CBL: variants seen among roughly 807,000 people sequenced by gnomAD.
CBL encodes Cbl proto-oncogene, also known as E3 ubiquitin-protein ligase CBL.
A neutral mutation model predicts 96.9 loss-of-function variants in CBL; 45 were observed. That is an observed-to-expected ratio of 0.46 (90% CI 0.37 to 0.60). The LOEUF (loss-of-function observed/expected upper bound fraction) is 0.60, where lower values mean the gene tolerates loss of function less well. Among genes scored for constraint, CBL ranks in the 20% least tolerant of loss-of-function variants. The probability of loss-of-function intolerance (pLI) is 0.00; values close to 1 mark genes in which losing one functional copy is unlikely to be tolerated. For missense variants in CBL, 1,024 were observed against 1,143.5 expected (o/e 0.90, Z 1.51); for synonymous variants, 420 against 426.8 (o/e 0.98, Z 0.20).
At chr11:119,296,437 G>A (rs545666670) in intron 12 of CBL, among the ~76,000 whole-genome samples, 2 of 152,258 alleles carry the variant, frequency 1.3e-5, no homozygotes, top group South Asian at 2.1e-4. Context: ...CAGAATTTAC[G>A]CTAACTGCGG....
chr11:119,210,854 C>A (rs1008468250), intron 1 of CBL, among the ~76,000 whole-genome samples: 1 of 151,942 alleles, frequency 6.6e-6, no homozygotes, highest in African/African-American at 2.4e-5. Context: ...ATACAGTAAT[C>A]CTCCATTATT....
chr11:119,225,855 G>A (rs1428121333), intron 1 of CBL, among the ~76,000 whole-genome samples: 3 of 149,196 alleles, frequency 2.0e-5, no homozygotes. Context: ...AGCCTCCCGA[G>A]TAGCTAGGAT....
intron 2 of CBL, among the ~76,000 whole-genome samples, chr11:119,233,613 G>A (rs1949521020): frequency 6.6e-6 from 1 of 152,090 alleles, no homozygotes; most frequent in Non-Finnish European, 1.5e-5. Context: ...TTACATACTG[G>A]GAGAGAAATA....
intron 2 of CBL, among the ~76,000 whole-genome samples, chr11:119,253,855 A>G (rs1353489074): frequency 1.3e-5 from 2 of 151,132 alleles, no homozygotes; most frequent in Admixed American, 6.6e-5. Context: ...AACAAAAACA[A>G]AAACAAAAAT....
intron 7 of CBL, 114 bp downstream of exon 7, chr11:119,277,958 T>A: frequency 1.1e-6 from 1 of 894,276 alleles, no homozygotes; most frequent in South Asian, 1.4e-5. Context: ...ATTAGTGAAT[T>A]TGTGTGTATG....
chr11:119,283,478 G>A (rs1379445830), intron 9 of CBL, among the ~76,000 whole-genome samples: 5 of 151,866 alleles, frequency 3.3e-5, no homozygotes, highest in African/African-American at 1.2e-4. Flanking sequence ...TCTCTTGACA[G>A]CTTACTTTGA....
At chr11:119,270,495 G>A (rs1949837906) in intron 2 of CBL, among the ~76,000 whole-genome samples, 2 of 123,148 alleles carry the variant, frequency 1.6e-5, no homozygotes, top group South Asian at 2.7e-4. Flanking sequence ...CGCCCAGGCT[G>A]GAGTGCAGTG....
intron 1 of CBL, among the ~76,000 whole-genome samples, chr11:119,222,785 A>T (rs370997282): frequency 2.6e-5 from 4 of 152,298 alleles, no homozygotes; most frequent in East Asian, 1.9e-4. Context: ...ATTGACTTGA[A>T]TTATTCACAC....
intron 1 of CBL, among the ~76,000 whole-genome samples, chr11:119,216,337 GTAATTTAT>G (rs1565854832): frequency 7.2e-6 from 1 of 138,770 alleles, no homozygotes; most frequent in Admixed American, 7.0e-5. Flanking sequence ...TGGACTTATT[GTAATTTAT>G]TTATTTATTT....
chr11:119,269,976 G>A (rs889135268), intron 2 of CBL, among the ~76,000 whole-genome samples: 2 of 151,110 alleles, frequency 1.3e-5, no homozygotes, highest in South Asian at 2.2e-4. Context: ...CAGCCCAGGC[G>A]ACAGAGCGAG....
rs1224336379 is a variant in CBL at position 119,302,147 on chromosome 11, G to GTGT, written c.*2370_*2372dup. 4.3e-6 allele frequency: 1 copy of GTGT among 232,898 alleles called. No homozygotes were observed. Among genetic ancestry groups the GTGT allele is most frequent in the African/African-American group, 2.2e-5 (1 of 45,326 alleles). The allele number at this position is 232,898 out of a possible 1,614,324, so 14.4% of individuals were successfully genotyped here. A position where few individuals can be genotyped will look rare whatever the true frequency, so the allele number is the denominator to read the frequency against. ...CGTGAAACTGAGGCTCCAGCTCCCT[G>GTGT]TGTTGTGTGTGTGTGCCATCCATGG... On this transcript the variant is annotated 3_prime_UTR_variant, in exon 16 of 16. Coordinates refer to ENST00000264033, the MANE Select transcript of CBL (RefSeq NM_005188.4).
chr11:119,264,388 T>TTTCTCTTCTCTTCTCTTCTCTTCTC (rs367863373), intron 2 of CBL, among the ~76,000 whole-genome samples: 2,986 of 133,794 alleles, frequency 0.022, 53 homozygotes, highest in Admixed American at 0.04. Flanking sequence ...TTTCTTTTCT[T>TTTCTCTTCTCTTCTCTTCTCTTCTC]TTCTCTTCTC....
intron 6 of CBL, among the ~76,000 whole-genome samples, chr11:119,277,270 C>CACACACACACACAT (rs993033451): frequency 5.3e-5 from 8 of 151,578 alleles, no homozygotes; most frequent in Admixed American, 1.3e-4. Flanking sequence ...CACACACACA[C>CACACACACACACAT]ATAAAGAATT....
At chr11:119,294,954 T>G (rs1265888138) in intron 12 of CBL, among the ~76,000 whole-genome samples, 1 of 152,252 alleles carries the variant, frequency 6.6e-6, no homozygotes, top group African/African-American at 2.4e-5. Context: ...ACTAAAAATA[T>G]CTTGAACATC....
At chr11:119,280,670 G>GCAC (rs1338236015) in intron 9 of CBL, among the ~76,000 whole-genome samples, 1 of 152,042 alleles carries the variant, frequency 6.6e-6, no homozygotes, top group Non-Finnish European at 1.5e-5. Context: ...GCCCCCTCCA[G>GCAC]CACCTCTCTG....
chr11:119,252,563 C>T (rs1449825372), intron 2 of CBL, among the ~76,000 whole-genome samples: 1 of 152,080 alleles, frequency 6.6e-6, no homozygotes. Context: ...CTCTTAAAAT[C>T]ACTAGATTGA....
At chr11:119,258,193 A>C (rs1018155014) in intron 2 of CBL, among the ~76,000 whole-genome samples, 1 of 152,208 alleles carries the variant, frequency 6.6e-6, no homozygotes, top group East Asian at 1.9e-4. Flanking sequence ...GCACCATTGC[A>C]CTCCAGCCTG....
intron 1 of CBL, among the ~76,000 whole-genome samples, chr11:119,227,505 T>G (rs1949467716): frequency 6.6e-6 from 1 of 152,178 alleles, no homozygotes; most frequent in African/African-American, 2.4e-5. Context: ...CCCAGCACTT[T>G]CTTATCATAT....
intron 1 of CBL, among the ~76,000 whole-genome samples, chr11:119,227,626 A>G (rs189198737): frequency 3.3e-5 from 5 of 151,694 alleles, no homozygotes; most frequent in South Asian, 4.2e-4. Flanking sequence ...TCTTGGCTCA[A>G]CGCAACCTCT....
Sources: gnomAD v4.1 joint callset for allele counts (sites outside exome capture counted in the v4.1 genomes callset) on GRCh38, gnomAD v4.1.1 for gene constraint, MANE v1.5 for transcripts, NCBI Gene and HGNC (gene_info 2026-07-23, HGNC 2026-07-21) for gene names.